The following AGBL4 variants were observed in gnomAD, a reference collection of about 807,000 sequenced individuals.
AGBL4 encodes AGBL carboxypeptidase 4, also known as cytosolic carboxypeptidase 6.
Under a neutral mutation model 66.4 loss-of-function variants are expected in AGBL4, and 58 were observed. The observed-to-expected ratio is 0.87, with a 90% CI of 0.71 to 1.09. The LOEUF is 1.09. AGBL4 is among the 50% of genes least tolerant of loss of function. The pLI is 0.00. For synonymous variants in AGBL4, 234 were observed against 222.9 expected (o/e 1.05, Z -0.44); for missense variants, 579 against 631.0 (o/e 0.92, Z 0.88).
At chr1:48,822,123 C>T (rs1570752870) in intron 6 of AGBL4, among the ~76,000 whole-genome samples, 2 of 152,116 alleles carry the variant, frequency 1.3e-5, no homozygotes, top group African/African-American at 4.8e-5. Flanking sequence ...TAAAATGATA[C>T]AAACACCTTG....
intron 2 of AGBL4, among the ~76,000 whole-genome samples, chr1:49,738,763 G>T (rs1451810904): frequency 6.6e-6 from 1 of 152,206 alleles, no homozygotes; most frequent in Non-Finnish European, 1.5e-5. Flanking sequence ...CTGCTGTTCT[G>T]CAGCCTCTGC....
At chr1:49,372,243 T>G (rs560468015) in intron 3 of AGBL4, among the ~76,000 whole-genome samples, 1 of 152,266 alleles carries the variant, frequency 6.6e-6, no homozygotes, top group South Asian at 2.1e-4. Flanking sequence ...TTATCTCGGT[T>G]AAAACATAGT....
chr1:48,653,504 A>G, intron 7 of AGBL4, 53 bp from the exon 8 acceptor site: 1 of 1,357,534 alleles, frequency 7.4e-7, no homozygotes, highest in Non-Finnish European at 1.0e-6. Context: ...AGAAGAAGGA[A>G]ACACATTTTT....
chr1:49,047,637 C>T (rs1644111978), intron 4 of AGBL4, among the ~76,000 whole-genome samples: 1 of 152,086 alleles, frequency 6.6e-6, no homozygotes, highest in Non-Finnish European at 1.5e-5. Context: ...TCCTTCTGTA[C>T]ATGCAGTATA....
At chr1:49,623,459 C>T (rs1645405870) in intron 3 of AGBL4, among the ~76,000 whole-genome samples, 2 of 152,192 alleles carry the variant, frequency 1.3e-5, no homozygotes, top group African/African-American at 4.8e-5. Flanking sequence ...TCTTTCCTGG[C>T]ATTTTAACCC....
intron 1 of AGBL4, among the ~76,000 whole-genome samples, chr1:49,885,193 C>T (rs1484667200): frequency 6.6e-6 from 1 of 151,852 alleles, no homozygotes; most frequent in Admixed American, 6.6e-5. Flanking sequence ...GTATAAGTGA[C>T]ATGTAGTTAA....
chr1:48,846,317 T>C (rs12122006), intron 6 of AGBL4, among the ~76,000 whole-genome samples: 5 of 142,408 alleles, frequency 3.5e-5, no homozygotes, highest in Non-Finnish European at 6.1e-5. Flanking sequence ...GATAGACAGA[T>C]AGATAGATCG....
chr1:49,934,824 CA>C lies in AGBL4; in HGVS notation c.35-83307del, dbSNP rs1196613164. Among the ~76,000 whole-genome samples, 339 of 114,126 alleles carry C rather than the reference CA, an allele frequency of 3.0e-3. 2 individuals are homozygous for C. Among genetic ancestry groups the C allele is most frequent in the Admixed American group, 5.3e-3 (58 of 10,970 alleles). The allele number at this position is 114,126 out of a possible 152,430, so 74.9% of individuals were successfully genotyped here. ...AATATCTGAGCAGAAATCAGAGATA[CA>C]AAAAAAAAAAAAAATAGGAGAGGGC... On this transcript the variant is annotated intron_variant, in intron 1 of 13. Coordinates refer to ENST00000371839, the MANE Select transcript of AGBL4 (RefSeq NM_032785.4).
At chr1:49,213,497 C>G (rs75311838) in intron 4 of AGBL4, among the ~76,000 whole-genome samples, 1 of 151,836 alleles carries the variant, frequency 6.6e-6, no homozygotes, top group Non-Finnish European at 1.5e-5. Context: ...TGTGACACCT[C>G]CCCCCACCCT....
At chr1:48,647,650 A>G (rs1645859028) in intron 8 of AGBL4, 1 of 437,916 alleles carries the variant, frequency 2.3e-6, no homozygotes, top group African/African-American at 2.0e-5. Flanking sequence ...ATATTGTTGT[A>G]CGGAGATGGA....
intron 1 of AGBL4, among the ~76,000 whole-genome samples, chr1:49,877,764 A>T (rs1273340100): frequency 6.6e-6 from 1 of 151,084 alleles, no homozygotes; most frequent in Admixed American, 6.6e-5. Context: ...CTCTGGTAGA[A>T]TTCGGCTGTG....
intron 6 of AGBL4, among the ~76,000 whole-genome samples, chr1:48,699,756 G>T (rs1358669988): frequency 6.6e-6 from 1 of 152,096 alleles, no homozygotes; most frequent in Non-Finnish European, 1.5e-5. Flanking sequence ...ACTTACCCTT[G>T]ATTGGCTTCC....
At chr1:49,090,959 A>G (rs1474496200) in intron 4 of AGBL4, among the ~76,000 whole-genome samples, 1 of 152,210 alleles carries the variant, frequency 6.6e-6, no homozygotes, top group Non-Finnish European at 1.5e-5. Context: ...CTGATGTTTG[A>G]CAAAGTTTAC....
chr1:49,136,218 G>A (rs578125601), intron 4 of AGBL4, among the ~76,000 whole-genome samples: 3 of 152,186 alleles, frequency 2.0e-5, no homozygotes, highest in South Asian at 4.1e-4. Context: ...AGAAAATCTT[G>A]TCTCACTGAT....
chr1:49,937,427 T>C (rs966927993), intron 1 of AGBL4, among the ~76,000 whole-genome samples: 5 of 151,842 alleles, frequency 3.3e-5, no homozygotes, highest in Non-Finnish European at 5.9e-5. Flanking sequence ...AACAGACAGA[T>C]CAACGAGACA....
intron 3 of AGBL4, among the ~76,000 whole-genome samples, chr1:49,445,497 T>C (rs1457311439): frequency 6.6e-6 from 1 of 152,176 alleles, no homozygotes; most frequent in Non-Finnish European, 1.5e-5. Flanking sequence ...TCAATTGTTT[T>C]ATGTTATCTG....
intron 4 of AGBL4, among the ~76,000 whole-genome samples, chr1:49,117,141 T>G (rs1645542714): frequency 6.6e-6 from 1 of 152,138 alleles, no homozygotes. Flanking sequence ...ATTGGTAGTT[T>G]GCAAAAATTT....
chr1:49,619,180 T>C (rs1645308496), intron 3 of AGBL4, among the ~76,000 whole-genome samples: 1 of 152,156 alleles, frequency 6.6e-6, no homozygotes, highest in South Asian at 2.1e-4. Flanking sequence ...AGTCAAATTG[T>C]CTCTGTTTGC....
chr1:49,241,432 C>T (rs897245506), intron 4 of AGBL4, among the ~76,000 whole-genome samples: 1 of 152,030 alleles, frequency 6.6e-6, no homozygotes, highest in African/African-American at 2.4e-5. Context: ...GCTCTTAGTA[C>T]AAACAATACT....
Sources: gnomAD v4.1 joint callset for allele counts (sites outside exome capture counted in the v4.1 genomes callset) on GRCh38, gnomAD v4.1.1 for gene constraint, MANE v1.5 for transcripts, NCBI Gene and HGNC (gene_info 2026-07-23, HGNC 2026-07-21) for gene names.